IFT56: variants seen among roughly 807,000 people sequenced by gnomAD.
The protein encoded by IFT56 is intraflagellar transport protein 56.
At chr7:139,152,682 G>A in the IFT56 span, among the ~76,000 whole-genome samples, 25 of 152,258 alleles carry the variant, frequency 1.6e-4, no homozygotes, top group South Asian at 5.2e-3. Context: ...TTCTAACGTA[G>A]ATATGATGAC....
At chr7:139,182,832 T>C in the IFT56 span, among the ~76,000 whole-genome samples, 2 of 152,218 alleles carry the variant, frequency 1.3e-5, no homozygotes, top group Admixed American at 1.3e-4. Context: ...TTTTTCTTGC[T>C]CCCATTTAAT....
the IFT56 span, among the ~76,000 whole-genome samples, chr7:139,153,710 CTT>C: frequency 1.3e-5 from 2 of 152,242 alleles, no homozygotes; most frequent in Middle Eastern, 6.8e-3. Context: ...GAATATACCT[CTT>C]TTAGTTTTTT....
chr7:139,180,639 G>A, the IFT56 span, among the ~76,000 whole-genome samples: 1 of 151,736 alleles, frequency 6.6e-6, no homozygotes, highest in Non-Finnish European at 1.5e-5. Flanking sequence ...AACCTGGGAG[G>A]CAGAGGTTGC....
the IFT56 span, among the ~76,000 whole-genome samples, chr7:139,139,471 T>C: frequency 3.3e-5 from 5 of 152,024 alleles, no homozygotes; most frequent in Non-Finnish European, 5.9e-5. Flanking sequence ...GCTCCCTCAA[T>C]GCCAAAAAAG....
chr7:139,138,146 G>A, the IFT56 span, among the ~76,000 whole-genome samples: 1 of 152,164 alleles, frequency 6.6e-6, no homozygotes, highest in Admixed American at 6.5e-5. Context: ...ATCGTCTAAT[G>A]TTAATATGTC....
the IFT56 span, chr7:139,189,778 A>G: frequency 6.2e-6 from 1 of 160,346 alleles, no homozygotes; most frequent in African/African-American, 2.4e-5. Context: ...TGGCTGCAAT[A>G]ACAAACATCT....
chr7:139,133,842 C>T, the IFT56 span: 3 of 1,614,228 alleles, frequency 1.9e-6, no homozygotes, highest in Non-Finnish European at 2.5e-6. Context: ...TGGGGACTCA[C>T]AAGACCGACG....
chr7:139,137,821 T>G, the IFT56 span: 2 of 1,595,156 alleles, frequency 1.3e-6, no homozygotes, highest in Non-Finnish European at 1.7e-6. Context: ...ATTTTCATGT[T>G]TTTTAAATAC....
the IFT56 span, among the ~76,000 whole-genome samples, chr7:139,157,295 C>T: frequency 2.7e-5 from 4 of 150,230 alleles, no homozygotes; most frequent in Non-Finnish European, 4.4e-5. Context: ...TACAGACATC[C>T]GCCACCACAC....
chr7:139,158,498 G>A, the IFT56 span, among the ~76,000 whole-genome samples: 1 of 152,080 alleles, frequency 6.6e-6, no homozygotes, highest in African/African-American at 2.4e-5. Flanking sequence ...GTGTTAGTTT[G>A]CTAAGAGGTT....
At chr7:139,185,305 A>G in the IFT56 span, among the ~76,000 whole-genome samples, 2 of 152,074 alleles carry the variant, frequency 1.3e-5, no homozygotes, top group Non-Finnish European at 2.9e-5. Context: ...ACACGGTACC[A>G]GTGTCAATTT....
chr7:139,168,121 G>A, the IFT56 span, among the ~76,000 whole-genome samples: 1 of 151,988 alleles, frequency 6.6e-6, no homozygotes. Context: ...TTAAGATTGA[G>A]AATTTACAAA....
At chr7:139,153,329 T>A in the IFT56 span, among the ~76,000 whole-genome samples, 140 of 151,842 alleles carry the variant, frequency 9.2e-4, no homozygotes, top group African/African-American at 3.2e-3. Flanking sequence ...CGCATGCCTG[T>A]CATCCCAGCT....
the IFT56 span, chr7:139,178,181 A>G: frequency 6.7e-7 from 1 of 1,498,682 alleles, no homozygotes; most frequent in Non-Finnish European, 9.3e-7. Flanking sequence ...AGTCTCATGA[A>G]TATATGTGGG....
At chr7:139,140,506 G>C in the IFT56 span, among the ~76,000 whole-genome samples, 3 of 152,152 alleles carry the variant, frequency 2.0e-5, no homozygotes, top group Admixed American at 2.0e-4. Context: ...ATGGCTGGGT[G>C]CGGTGGCTCA....
At chr7:139,138,790 A>G in the IFT56 span, among the ~76,000 whole-genome samples, 1 of 150,996 alleles carries the variant, frequency 6.6e-6, no homozygotes. Flanking sequence ...ACAATAATTA[A>G]TCAATGGGAT....
the IFT56 span, among the ~76,000 whole-genome samples, chr7:139,180,214 G>A: frequency 6.6e-6 from 1 of 152,104 alleles, no homozygotes; most frequent in Non-Finnish European, 1.5e-5. Flanking sequence ...GTGGGCGCCT[G>A]TAGTCCCAGC....
At chr7:139,184,830 G>A in the IFT56 span, among the ~76,000 whole-genome samples, 9 of 151,958 alleles carry the variant, frequency 5.9e-5, no homozygotes, top group East Asian at 3.9e-4. Context: ...TGAGGCGGGC[G>A]GATCACAAGG....
chr7:139,173,389 C>T, the IFT56 span: 42 of 502,462 alleles, frequency 8.4e-5, no homozygotes, highest in Non-Finnish European at 1.3e-4. Context: ...CCACCATGCC[C>T]GGCTAATTTT....
Sources: allele counts gnomAD v4.1 joint callset (sites outside exome capture counted in the v4.1 genomes callset), GRCh38; gene constraint gnomAD v4.1.1; transcripts MANE v1.5; gene names NCBI Gene and HGNC (gene_info 2026-07-23, HGNC 2026-07-21).